SYT1: variants seen among roughly 807,000 people sequenced by gnomAD.
SYT1 encodes synaptotagmin-1.
A neutral mutation model predicts 44.8 loss-of-function variants in SYT1; 8 were observed. That is an observed-to-expected ratio of 0.18 (90% CI 0.10 to 0.32). The LOEUF (loss-of-function observed/expected upper bound fraction) is 0.32, where lower values mean the gene tolerates loss of function less well. SYT1 is among the 10% of genes least tolerant of loss of function. SYT1 has a pLI of 1.00. For missense variants in SYT1, 286 were observed against 509.3 expected (o/e 0.56, Z 4.22); for synonymous variants, 154 against 188.8 (o/e 0.82, Z 1.51).
chr12:79,420,560 A>G (rs1219852955), intron 9 of SYT1, among the ~76,000 whole-genome samples: 2 of 152,092 alleles, frequency 1.3e-5, no homozygotes, highest in Non-Finnish European at 2.9e-5. Flanking sequence ...TTCATTCCAC[A>G]TTCCTGGCAC....
intron 9 of SYT1, among the ~76,000 whole-genome samples, chr12:79,428,908 C>A (rs1593059696): frequency 6.6e-6 from 1 of 152,116 alleles, no homozygotes; most frequent in South Asian, 2.1e-4. Flanking sequence ...CCTCAGGAAG[C>A]TTCCAATTGT....
chr12:79,267,974 A>T (rs1878220215), intron 4 of SYT1, among the ~76,000 whole-genome samples: 1 of 152,216 alleles, frequency 6.6e-6, no homozygotes, highest in Non-Finnish European at 1.5e-5. Context: ...TATTTGACCA[A>T]TACATGTGCA....
chr12:79,019,137 G>A (rs1243795834), intron 2 of SYT1, among the ~76,000 whole-genome samples: 1 of 151,876 alleles, frequency 6.6e-6, no homozygotes, highest in Non-Finnish European at 1.5e-5. Context: ...GTGTTGTCCT[G>A]TATCAAGGGG....
At chr12:79,374,016 C>T (rs891663621) in intron 9 of SYT1, among the ~76,000 whole-genome samples, 3 of 152,126 alleles carry the variant, frequency 2.0e-5, no homozygotes, top group Non-Finnish European at 4.4e-5. Context: ...TCACATAAAG[C>T]GCAATACATA....
chr12:79,185,054 C>T (rs912124482), intron 3 of SYT1, among the ~76,000 whole-genome samples: 4 of 152,086 alleles, frequency 2.6e-5, no homozygotes, highest in East Asian at 1.9e-4. Flanking sequence ...ATCAAGAAGC[C>T]GGCTCTCTCC....
rs900157804 is a variant in SYT1 at position 78,905,065 on chromosome 12, C to G, written c.-217+39956C>G. Among the ~76,000 whole-genome samples the G allele has an allele frequency of 4.6e-5, 7 of 152,058 alleles. No homozygotes were observed. The East Asian group carries it at 1.2e-3, about 25-fold the overall frequency. ...AGCTTTTTTGTTGTTATTGTTCTTA[C>G]CTGAATACATCCAATAGTAGGCACT... On this transcript the variant is annotated intron_variant, in intron 1 of 10. Transcript: ENST00000261205.
intron 1 of SYT1, among the ~76,000 whole-genome samples, chr12:78,866,353 C>T (rs561887141): frequency 3.9e-5 from 6 of 152,314 alleles, no homozygotes; most frequent in African/African-American, 1.4e-4. Context: ...GGACAAGAAT[C>T]CTCCTGTACT....
chr12:79,234,034 A>C (rs1876028941), intron 4 of SYT1, among the ~76,000 whole-genome samples: 1 of 152,026 alleles, frequency 6.6e-6, no homozygotes, highest in African/African-American at 2.4e-5. Context: ...GTTTATTGAA[A>C]ATCTCGTCTC....
intron 3 of SYT1, among the ~76,000 whole-genome samples, chr12:79,148,373 T>C (rs1199020453): frequency 6.6e-6 from 1 of 152,260 alleles, no homozygotes; most frequent in Admixed American, 6.5e-5. Flanking sequence ...AATCTTTTTT[T>C]CCCGTAAAAT....
At chr12:79,440,854 T>C (rs1467985050) in intron 9 of SYT1, among the ~76,000 whole-genome samples, 1 of 152,154 alleles carries the variant, frequency 6.6e-6, no homozygotes, top group Non-Finnish European at 1.5e-5. Context: ...ACTCAACCAG[T>C]AGCTGAGGAT....
chr12:79,273,837 G>A (rs1022693456), intron 4 of SYT1, among the ~76,000 whole-genome samples: 1 of 152,238 alleles, frequency 6.6e-6, no homozygotes, highest in Non-Finnish European at 1.5e-5. Flanking sequence ...TGTAATCCCA[G>A]CACTTTGGAA....
chr12:79,114,784 CAGA>C (rs1279966977), intron 3 of SYT1, among the ~76,000 whole-genome samples: 3 of 152,232 alleles, frequency 2.0e-5, no homozygotes, highest in Non-Finnish European at 4.4e-5. Flanking sequence ...GAAGACCCCC[CAGA>C]TTTTGAAATC....
rs146812627 is a variant in SYT1, at chr12:78,946,622, G to A, written c.-216-31177G>A. Among the ~76,000 whole-genome samples, 493 of 152,062 alleles carry A rather than the reference G, an allele frequency of 3.2e-3. 4 individuals carry two copies. Among genetic ancestry groups the A allele is most frequent in the African/African-American group, 0.011 (476 of 41,480 alleles). On this transcript the variant is annotated intron_variant, in intron 1 of 10. Transcript: ENST00000261205. ...GAATCGCTTGAACCTGGGAGGCAGAGGTTGCTGTGAACCAAGATCGTGCCA... is the reference window on the plus strand; with the variant it reads ...GAATCGCTTGAACCTGGGAGGCAGAAGTTGCTGTGAACCAAGATCGTGCCA...
intron 3 of SYT1, among the ~76,000 whole-genome samples, chr12:79,084,496 C>T (rs1877249104): frequency 6.6e-6 from 1 of 152,014 alleles, no homozygotes; most frequent in Non-Finnish European, 1.5e-5. Flanking sequence ...AGTGCTTTGC[C>T]TAAATCTGAG....
intron 1 of SYT1, among the ~76,000 whole-genome samples, chr12:78,882,043 G>T (rs2137057284): frequency 6.6e-6 from 1 of 151,704 alleles, no homozygotes; most frequent in African/African-American, 2.4e-5. Flanking sequence ...TTCATTAAAT[G>T]CCAGGAGAAG....
intron 3 of SYT1, among the ~76,000 whole-genome samples, chr12:79,106,092 G>A (rs1384859550): frequency 1.3e-5 from 2 of 152,130 alleles, no homozygotes; most frequent in Non-Finnish European, 2.9e-5. Context: ...GTGAACTGTA[G>A]ACCTGCTGCT....
intron 1 of SYT1, among the ~76,000 whole-genome samples, chr12:78,957,190 C>A (rs1021786133): frequency 6.6e-6 from 1 of 152,056 alleles, no homozygotes; most frequent in African/African-American, 2.4e-5. Context: ...CACCTAAAAC[C>A]GGTCACAGTG....
chr12:78,942,413 T>G (rs1186366041), intron 1 of SYT1, among the ~76,000 whole-genome samples: 1 of 152,154 alleles, frequency 6.6e-6, no homozygotes, highest in East Asian at 1.9e-4. Flanking sequence ...CTTTTCAGAC[T>G]CCAAATCTTT....
At chr12:78,926,044 G>A (rs1877286094) in intron 1 of SYT1, among the ~76,000 whole-genome samples, 1 of 151,872 alleles carries the variant, frequency 6.6e-6, no homozygotes, top group Non-Finnish European at 1.5e-5. Context: ...AACATATCAG[G>A]GTCAGAACTC....
Sources: gnomAD v4.1 joint callset for allele counts (sites outside exome capture counted in the v4.1 genomes callset) on GRCh38, gnomAD v4.1.1 for gene constraint, MANE v1.5 for transcripts, NCBI Gene and HGNC (gene_info 2026-07-23, HGNC 2026-07-21) for gene names.